The following LTBP1 variants were observed in gnomAD, a reference collection of about 807,000 sequenced individuals.
LTBP1 encodes latent-transforming growth factor beta-binding protein 1.
A neutral mutation model predicts 207.6 loss-of-function variants in LTBP1; 129 were observed. That is an observed-to-expected ratio of 0.62 (90% CI 0.54 to 0.72). The LOEUF is 0.72. LTBP1 is among the 30% of genes least tolerant of loss of function. The probability of loss-of-function intolerance (pLI) is 0.00; values close to 1 mark genes in which losing one functional copy is unlikely to be tolerated. For synonymous variants in LTBP1, 963 were observed against 833.7 expected (o/e 1.16, Z -2.67); for missense variants, 2,281 against 2,217.2 (o/e 1.03, Z -0.58).
chr2:33,345,970 T>C (rs551078004), intron 25 of LTBP1, among the ~76,000 whole-genome samples: 1 of 152,338 alleles, frequency 6.6e-6, no homozygotes, highest in Admixed American at 6.5e-5. Flanking sequence ...ACATCAAACA[T>C]AAAATTAGCC....
chr2:33,291,238 C>G (rs908202969), intron 19 of LTBP1, among the ~76,000 whole-genome samples: 1 of 152,194 alleles, frequency 6.6e-6, no homozygotes, highest in African/African-American at 2.4e-5. Flanking sequence ...TTATAAGTAT[C>G]TCCTAAATGG....
intron 24 of LTBP1, among the ~76,000 whole-genome samples, chr2:33,339,856 G>C (rs550804025): frequency 2.6e-5 from 4 of 151,926 alleles, no homozygotes; most frequent in African/African-American, 9.7e-5. Flanking sequence ...AGTTGGTCAG[G>C]CTGGTCTTGA....
chr2:32,989,590 G>C (rs1428433349), intron 2 of LTBP1, among the ~76,000 whole-genome samples: 1 of 152,152 alleles, frequency 6.6e-6, no homozygotes, highest in Non-Finnish European at 1.5e-5. Context: ...AAAAGCCCAG[G>C]GACAGAGTGT....
At chr2:33,333,100 C>T (rs554515045) in intron 24 of LTBP1, 20 of 152,130 alleles carry the variant, frequency 1.3e-4, no homozygotes, top group East Asian at 1.2e-3. Context: ...CTGATAGATT[C>T]GGAGCAGGAC....
intron 16 of LTBP1, 69 bp from the exon 17 acceptor site, chr2:33,274,896 T>C (rs994670210): frequency 1.3e-6 from 2 of 1,514,304 alleles, no homozygotes; most frequent in Admixed American, 3.4e-5. Flanking sequence ...ATGATGGTAT[T>C]TTACAGAACA....
chr2:33,352,595 A>G (rs1386824291), intron 26 of LTBP1, among the ~76,000 whole-genome samples: 1 of 152,170 alleles, frequency 6.6e-6, no homozygotes, highest in Non-Finnish European at 1.5e-5. Context: ...TCCCTGGGTC[A>G]GTCTTTCAGC....
chr2:33,021,042 G>T lies in LTBP1; in HGVS notation c.699G>T (p.Gly233=), dbSNP rs766455952. 1 of 1,614,098 alleles carries T rather than the reference G, an allele frequency of 6.2e-7. No homozygotes were observed. The highest frequency in any genetic ancestry group is 2.2e-5 in the East Asian group (1 of 44,874). The change falls in exon 3 of 34, where the codon GGG becomes GGT. Residue 233 remains glycine, a synonymous_variant. Transcript: ENST00000404816. The part of the protein sequence containing the change: ...AQDTSSPVFG[G]QSPGAASSWG... ...ACACCTCGTCACCAGTCTTTGGAGGGCAGAGTCCTGGGGCTGCTTCCTCGT... is the reference window on the plus strand; with the variant it reads ...ACACCTCGTCACCAGTCTTTGGAGGTCAGAGTCCTGGGGCTGCTTCCTCGT...
At chr2:33,264,599 G>GA (rs2093122620) in intron 15 of LTBP1, among the ~76,000 whole-genome samples, 1 of 152,062 alleles carries the variant, frequency 6.6e-6, no homozygotes, top group South Asian at 2.1e-4. Context: ...TAATTTGTAG[G>GA]AAAAAACAAT....
chr2:33,303,007 A>G (rs904369410), intron 22 of LTBP1, among the ~76,000 whole-genome samples: 2 of 151,934 alleles, frequency 1.3e-5, no homozygotes, highest in Admixed American at 6.6e-5. Context: ...ACACACGCAC[A>G]CACACCCCTA....
In LTBP1 at chr2:33,134,223, G is replaced by A. The variant is rs945549504; in HGVS notation, c.1034-570G>A. Among the ~76,000 whole-genome samples the A allele has an allele frequency of 2.4e-4, 37 of 152,186 alleles. No homozygotes were observed. Among genetic ancestry groups the A allele is most frequent in the African/African-American group, 5.8e-4 (24 of 41,448 alleles). The stretch of plus-strand genomic sequence containing the variant: ...AAAAGAAATGGGCTCCCGCAGCTGC[G>A]TCACAGCATTTGATCACTTCAGCCG... On this transcript the variant is annotated intron_variant, in intron 4 of 33. Coordinates refer to ENST00000404816, the MANE Select transcript of LTBP1 (RefSeq NM_206943.4). The surrounding 1 kb of genome is among the most constrained non-coding windows in gnomAD (Gnocchi z 4.4).
rs564130180 is a variant in LTBP1, at chr2:33,217,672, A to G, written c.1804+18A>G. The G allele has an allele frequency of 2.6e-6, 4 of 1,559,966 alleles. No individual in the cohort carries two copies. In the South Asian group the frequency reaches 3.4e-5, roughly 13 times the overall value. ...GAAACCATGTAAGTAATGTTTCCTC[A>G]CTCCTTTGCAGGTTAATGTAGCATA... On this transcript the variant is annotated intron_variant, in intron 8 of 33. Transcript: ENST00000404816.
At chr2:33,201,904 T>G (rs561006499) in intron 7 of LTBP1, among the ~76,000 whole-genome samples, 25 of 152,208 alleles carry the variant, frequency 1.6e-4, no homozygotes, top group African/African-American at 5.8e-4. Context: ...GCAGTTCTGT[T>G]TGGACAGGAA....
chr2:33,027,671 T>TA (rs1322809564), intron 3 of LTBP1, among the ~76,000 whole-genome samples: 11 of 151,604 alleles, frequency 7.3e-5, no homozygotes, highest in South Asian at 2.1e-4. Flanking sequence ...CCTTCTCTAC[T>TA]AAAAAAAATA....
At chr2:33,193,256 C>G (rs2088119654) in intron 7 of LTBP1, among the ~76,000 whole-genome samples, 2 of 152,152 alleles carry the variant, frequency 1.3e-5, no homozygotes, top group Non-Finnish European at 1.5e-5. Flanking sequence ...ATTCTCCTGC[C>G]TCAGCCTCCC....
intron 3 of LTBP1, among the ~76,000 whole-genome samples, chr2:33,063,853 C>T (rs1007373697): frequency 1.4e-5 from 2 of 147,650 alleles, no homozygotes; most frequent in African/African-American, 2.5e-5. Flanking sequence ...ATTGTATATT[C>T]TTTTTTTTTT....
chr2:33,253,836 A>T (rs1195656517), intron 11 of LTBP1, among the ~76,000 whole-genome samples: 1 of 149,812 alleles, frequency 6.7e-6, no homozygotes, highest in Non-Finnish European at 1.5e-5. Flanking sequence ...CCTCCAAAAG[A>T]TCCTAGTACC....
At chr2:33,363,336 A>G in intron 28 of LTBP1, 54 bp from the exon 29 acceptor site, 1 of 1,587,872 alleles carries the variant, frequency 6.3e-7, no homozygotes, top group Non-Finnish European at 8.6e-7. Context: ...ACTCTTTTTA[A>G]TTGAAAGATC....
At chr2:33,255,465 A>G (rs996387820) in intron 11 of LTBP1, among the ~76,000 whole-genome samples, 5 of 152,164 alleles carry the variant, frequency 3.3e-5, no homozygotes, top group Admixed American at 1.3e-4. Flanking sequence ...CATTTGACCC[A>G]GCCATCCCAT....
At chr2:33,152,192 A>T (rs2083593433) in intron 5 of LTBP1, among the ~76,000 whole-genome samples, 1 of 152,140 alleles carries the variant, frequency 6.6e-6, no homozygotes, top group South Asian at 2.1e-4. Flanking sequence ...TAATATCCAG[A>T]ATCTACAAGG....
Sources: gnomAD v4.1 joint callset for allele counts (sites outside exome capture counted in the v4.1 genomes callset) on GRCh38, gnomAD v4.1.1 for gene constraint, Gnocchi (gnomAD v3.1) non-coding constraint, MANE v1.5 for transcripts, NCBI Gene and HGNC (gene_info 2026-07-23, HGNC 2026-07-21) for gene names.